KLHL4: variants seen among roughly 807,000 people sequenced by gnomAD.
KLHL4 encodes kelch-like protein 4.
In KLHL4, 17 loss-of-function variants were observed where a neutral mutation model predicts 45.8. The observed-to-expected ratio is 0.37, with a 90% confidence interval of 0.25 to 0.56. KLHL4 has a LOEUF of 0.56. Among genes scored for constraint, KLHL4 ranks in the 20% least tolerant of loss-of-function variants. The pLI is 0.79. For synonymous variants in KLHL4, 224 were observed against 189.9 expected (o/e 1.18, Z -1.47); for missense variants, 544 against 544.9 (o/e 1.00, Z 0.02).
At chrX:87,647,874 TAAC>T (rs1346291764) in intron 9 of KLHL4, among the ~76,000 whole-genome samples, 2 of 111,335 alleles carry the variant, frequency 1.8e-5, no homozygotes, top group Non-Finnish European at 3.8e-5. Context: ...AAAATAGCAT[TAAC>T]AACATAAAAA....
chrX:87,639,497 A>G (rs1923377755), intron 9 of KLHL4, among the ~76,000 whole-genome samples: 1 of 111,574 alleles, frequency 9.0e-6, no homozygotes, highest in Admixed American at 9.5e-5. Flanking sequence ...GAAAATTGAA[A>G]TTTTATCAAG....
chrX:87,528,138 C>G (rs1931151521), intron 1 of KLHL4, among the ~76,000 whole-genome samples: 1 of 111,311 alleles, frequency 9.0e-6, no homozygotes, highest in African/African-American at 3.3e-5. Context: ...ACAAATGATT[C>G]AGAAAAATTA....
chrX:87,638,714 T>G (rs1176644598), intron 9 of KLHL4, among the ~76,000 whole-genome samples: 1 of 111,322 alleles, frequency 9.0e-6, no homozygotes, highest in Non-Finnish European at 1.9e-5. Flanking sequence ...AAAGAAATCC[T>G]CACAATACAG....
At position 87,589,929 on chromosome X, in the gene KLHL4, G is replaced by A. The variant is rs748172827; in HGVS notation, c.423-23948G>A. Among the ~76,000 whole-genome samples the A allele has an allele frequency of 6.2e-4, 67 of 108,103 alleles. 1 individual carries two copies. The highest frequency in any genetic ancestry group is 1.5e-3 in the Admixed American group (15 of 10,132). 93.9% of individuals were successfully genotyped at this position (108,103 alleles called of 115,157 possible). A position where few individuals can be genotyped will look rare whatever the true frequency, so the allele number is the denominator to read the frequency against. ...GGCACATGCCTGTAATCCCAGCTAC[G>A]TGGGAGGCTGAGGCAGAAGAATCAC... On this transcript the variant is annotated intron_variant, in intron 1 of 10. Coordinates refer to ENST00000373119, the MANE Select transcript of KLHL4 (RefSeq NM_019117.5).
At chrX:87,535,446 G>A (rs746248575) in intron 1 of KLHL4, among the ~76,000 whole-genome samples, 12 of 111,979 alleles carry the variant, frequency 1.1e-4, no homozygotes, top group South Asian at 3.7e-4. Context: ...TATAACTACC[G>A]TACCAAATTA....
chrX:87,524,072 G>A lies in KLHL4; in HGVS notation c.422+5757G>A, dbSNP rs973235562. Among the ~76,000 whole-genome samples, 3 of 111,676 alleles carry A rather than the reference G, an allele frequency of 2.7e-5. No homozygotes were observed. The Admixed American group carries it at 2.9e-4, about 11-fold the overall frequency. On this transcript the variant is annotated intron_variant, in intron 1 of 10. Coordinates refer to ENST00000373119, the MANE Select transcript of KLHL4 (RefSeq NM_019117.5). ...CCAGCACTCTGCCCTCAAAGAGGTC[G>A]AGCAGAATACTGGGCCTTAAGTGTA...
chrX:87,596,636 C>T (rs1921847835), intron 1 of KLHL4, among the ~76,000 whole-genome samples: 2 of 111,935 alleles, frequency 1.8e-5, no homozygotes, highest in African/African-American at 6.5e-5. Flanking sequence ...GGTAGCTGAC[C>T]TCCAAATACA....
At chrX:87,548,600 G>GA (rs971169785) in intron 1 of KLHL4, among the ~76,000 whole-genome samples, 13 of 110,961 alleles carry the variant, frequency 1.2e-4, no homozygotes, top group Admixed American at 9.6e-4. Flanking sequence ...GATATAAATA[G>GA]AAACAATAAG....
chrX:87,598,682 G>T (rs1167753597), intron 1 of KLHL4, among the ~76,000 whole-genome samples: 1 of 111,432 alleles, frequency 9.0e-6, no homozygotes, highest in African/African-American at 3.3e-5. Context: ...GAAAATAATA[G>T]ATTTTTTGAG....
At chrX:87,586,769 A>G (rs1440591844) in intron 1 of KLHL4, among the ~76,000 whole-genome samples, 1 of 111,620 alleles carries the variant, frequency 9.0e-6, no homozygotes, top group Non-Finnish European at 1.9e-5. Flanking sequence ...AAAATAAATA[A>G]TAAAAATCAG....
At chrX:87,573,788 A>C (rs1921008367) in intron 1 of KLHL4, among the ~76,000 whole-genome samples, 2 of 111,740 alleles carry the variant, frequency 1.8e-5, no homozygotes, top group South Asian at 3.7e-4. Flanking sequence ...GTATGTGCTA[A>C]GCCATACAAA....
At chrX:87,626,127 A>G (rs761365843) in intron 6 of KLHL4, among the ~76,000 whole-genome samples, 204 of 112,119 alleles carry the variant, frequency 1.8e-3, no homozygotes, top group African/African-American at 6.5e-3. Flanking sequence ...CAATTAATTT[A>G]AAAAGTTTAT....
intron 1 of KLHL4, among the ~76,000 whole-genome samples, chrX:87,588,214 A>G (rs1921543392): frequency 8.9e-6 from 1 of 111,907 alleles, no homozygotes; most frequent in African/African-American, 3.2e-5. Context: ...TAAAATGTCC[A>G]TACTACCCAA....
chrX:87,585,495 T>A (rs914992002), intron 1 of KLHL4, among the ~76,000 whole-genome samples: 3 of 111,795 alleles, frequency 2.7e-5, no homozygotes, highest in Non-Finnish European at 5.7e-5. Flanking sequence ...AGATTTTTTT[T>A]ATTAGTTTTC....
intron 9 of KLHL4, among the ~76,000 whole-genome samples, chrX:87,638,179 T>G (rs1461574205): frequency 9.0e-6 from 1 of 111,027 alleles, no homozygotes; most frequent in Non-Finnish European, 1.9e-5. Flanking sequence ...GAACAAAGCC[T>G]TCAAGAAGAT....
chrX:87,575,792 G>A (rs892495928), intron 1 of KLHL4, among the ~76,000 whole-genome samples: 5 of 111,280 alleles, frequency 4.5e-5, no homozygotes, highest in East Asian at 2.8e-4. Context: ...AAAGAAGTGC[G>A]TACTGGGGAG....
At chrX:87,651,883 G>A (rs1325447868) in intron 9 of KLHL4, among the ~76,000 whole-genome samples, 2 of 112,450 alleles carry the variant, frequency 1.8e-5, no homozygotes, top group Admixed American at 9.4e-5. Flanking sequence ...TCTGTGTGGG[G>A]GCTCTGACCC....
intron 4 of KLHL4, 103 bp from the exon 5 acceptor site, chrX:87,622,108 C>G: frequency 1.9e-6 from 1 of 535,106 alleles, no homozygotes; most frequent in South Asian, 3.2e-5. Context: ...ATCTGTGTCT[C>G]TTGCATTTTC....
At chrX:87,532,298 T>C (rs1040411986) in intron 1 of KLHL4, among the ~76,000 whole-genome samples, 1 of 111,081 alleles carries the variant, frequency 9.0e-6, no homozygotes, top group Non-Finnish European at 1.9e-5. Context: ...TCTATATTTC[T>C]GTTTTGGTAC....
Sources: gnomAD v4.1 joint callset for allele counts (sites outside exome capture counted in the v4.1 genomes callset) on GRCh38, gnomAD v4.1.1 for gene constraint, MANE v1.5 for transcripts, NCBI Gene and HGNC (gene_info 2026-07-23, HGNC 2026-07-21) for gene names.